Variants in PLEC observed in about 807,000 individuals in gnomAD.
The protein encoded by PLEC is hemidesmosomal protein 1.
Under a neutral mutation model 392.8 loss-of-function variants are expected in PLEC, and 216 were observed. The observed-to-expected ratio is 0.55, with a 90% CI of 0.49 to 0.62. The LOEUF is 0.62. Among genes scored for constraint, PLEC ranks in the 20% least tolerant of loss-of-function variants. The pLI is 0.00. For synonymous variants in PLEC, 3,621 were observed against 2,980.6 expected, an observed-to-expected ratio of 1.21 and a Z score of -7.00; for missense variants, 6,863 against 6,563.4, an observed-to-expected ratio of 1.05 and a Z score of -1.58.
upstream of PLEC, among the ~76,000 whole-genome samples, chr8:143,976,530 A>G (rs1254491106): frequency 6.6e-6 from 1 of 151,836 alleles, no homozygotes; most frequent in Non-Finnish European, 1.5e-5. Context: ...CCGCCCGTCC[A>G]GTTCCGCAGT....
At chr8:143,957,106 A>T (rs904821748), upstream of PLEC, among the ~76,000 whole-genome samples, 27 of 152,138 alleles carry the variant, frequency 1.8e-4, no homozygotes, top group Non-Finnish European at 3.4e-4. Flanking sequence ...CGGGGATTTC[A>T]ACAGGACAGG....
At chr8:143,936,951 G>A (rs782794890) in intron 5 of PLEC, 28 bp downstream of exon 5, 3 of 1,545,698 alleles carry the variant, frequency 1.9e-6, no homozygotes, top group Non-Finnish European at 2.7e-6. Flanking sequence ...CCTGCAGGGG[G>A]TGGGGGTCCT....
chr8:143,947,311 T>A (rs1216820711), intron 1 of PLEC, among the ~76,000 whole-genome samples: 1 of 152,202 alleles, frequency 6.6e-6, no homozygotes, highest in Non-Finnish European at 1.5e-5. Flanking sequence ...GAAGCAGCTC[T>A]AGGTGCTGTG....
At chr8:143,967,223 CAT>C (rs1554742536) in intron 1 of PLEC, among the ~76,000 whole-genome samples, 2 of 151,822 alleles carry the variant, frequency 1.3e-5, no homozygotes, top group Non-Finnish European at 2.9e-5. Flanking sequence ...ATTAGCTGGG[CAT>C]GGTGGCGGGC....
rs1554726617 is a variant in PLEC at position 143,939,374 on chromosome 8, G to A, written c.88C>T (p.Leu30Phe). Residue 30 changes from leucine to phenylalanine, a missense_variant, in exon 1 of 32, where the codon CTC (leucine) becomes TTC (phenylalanine). Leu to Phe is a conservative substitution (Grantham distance 22). Transcript: ENST00000345136. ...SSEDNLYLAV[L>F]RASEGKKDER... ...CCTTTCTTGCCCTCAGAGGCCCTGA[G>A]CACAGCCAGGTACAGGTTGTCCTCC... 18 of 1,612,630 alleles carry A rather than the reference G, an allele frequency of 1.1e-5. No homozygotes were observed. The highest frequency in any genetic ancestry group is 1.4e-5 in the Non-Finnish European group (17 of 1,179,758).
At position 143,929,132 on chromosome 8, in the gene PLEC, G is replaced by A. The variant is rs1554710211; in HGVS notation, c.3231C>T (p.Val1077=). ...CCAGGTAGATGGCAGACAGGCTGCG[G>A]ACCTGCTCCAGCTTGCCCAGCGTCA... ...LELTLGKLEQ[V]RSLSAIYLEK... Residue 1077 remains valine, a synonymous_variant, in exon 25 of 32, where the codon GTC becomes GTT. Coordinates refer to ENST00000345136, the MANE Select transcript of PLEC (RefSeq NM_201384.3). 46 of 1,585,988 alleles carry A rather than the reference G, an allele frequency of 2.9e-5. No individual in the cohort carries two copies. The highest frequency in any genetic ancestry group is 3.9e-5 in the Non-Finnish European group (46 of 1,167,402).
At chr8:143,956,294 A>G (rs1302131205), upstream of PLEC, among the ~76,000 whole-genome samples, 1 of 152,168 alleles carries the variant, frequency 6.6e-6, no homozygotes, top group African/African-American at 2.4e-5. Context: ...GGAATGTTAT[A>G]AGATTGGCCA....
At chr8:143,936,682 C>A (rs2132162377) in intron 5 of PLEC, among the ~76,000 whole-genome samples, 1 of 152,334 alleles carries the variant, frequency 6.6e-6, no homozygotes, top group Non-Finnish European at 1.5e-5. Context: ...TGCGCAGAAG[C>A]CTCCCCAGGG....
upstream of PLEC, among the ~76,000 whole-genome samples, chr8:143,953,350 G>A (rs1307280840): frequency 2.1e-5 from 3 of 139,830 alleles, no homozygotes; most frequent in African/African-American, 8.0e-5. Flanking sequence ...GCCCTGCCCT[G>A]CCCCTTGGAC....
Position 143,916,199 on chromosome 8 carries a change from C to A in PLEC, c.13622G>T (p.Gly4541Val), listed in dbSNP as rs1554668205. The change falls in exon 32 of 32, where the codon GGC becomes GTC. Residue 4541 changes from glycine to valine, a missense_variant. By Grantham distance (109) the Gly-to-Val change is moderately radical. Transcript: ENST00000345136. ...YASGSSASLG[G>V]PESAVA ...GCCTCAGGCCACGGCAGACTCAGGG[C>A]CCCCCAGGGAGGCCGAGGACCCCGA... is the stretch of plus-strand genomic sequence containing the variant. 3 of 1,542,048 alleles carry A rather than the reference C, an allele frequency of 1.9e-6. No individual in the cohort carries two copies. The highest frequency in any genetic ancestry group is 3.9e-5 in the Admixed American group (2 of 50,728).
At position 143,923,233 on chromosome 8, in the gene PLEC, C is replaced by T. The variant is rs781913920; in HGVS notation, c.6696G>A (p.Ser2232=). The T allele has an allele frequency of 2.0e-5, 32 of 1,603,914 alleles. No homozygotes were observed. Among genetic ancestry groups the T allele is most frequent in the East Asian group, 4.5e-5 (2 of 44,876 alleles). The change falls in exon 31 of 32, where the codon TCG becomes TCA. Residue 2232 remains serine, a synonymous_variant. Transcript: ENST00000345136. Reference sequence around the variant, plus strand: ...TCAGCTCCTCCATCTGCACGCGCACCGAGAAGAGCTCCTCCTCCACCTGGC... The same window carrying T: ...TCAGCTCCTCCATCTGCACGCGCACTGAGAAGAGCTCCTCCTCCACCTGGC... ...QRSQVEEELF[S]VRVQMEELSK...
chr8:143,921,210 A>G lies in PLEC; in HGVS notation c.8611T>C (p.Cys2871Arg). ...NLTYLQLLER[C>R]VEDPETGLCL... ...AGGCCCGTCTCGGGGTCCTCCACGC[A>G]GCGCTCCAGTAGCTGCAGGTACGTG... The change falls in exon 32 of 32, where the codon TGC (cysteine) becomes CGC (arginine). Residue 2871 changes from cysteine to arginine, a missense_variant. Coordinates refer to ENST00000345136, the MANE Select transcript of PLEC (RefSeq NM_201384.3). 2 of 1,613,968 alleles carry G rather than the reference A, an allele frequency of 1.2e-6. No homozygotes were observed. The highest frequency in any genetic ancestry group is 1.7e-6 in the Non-Finnish European group (2 of 1,180,032).
intron 30 of PLEC, among the ~76,000 whole-genome samples, 170 bp downstream of exon 30, chr8:143,926,614 T>G (rs1825277858): frequency 1.3e-5 from 2 of 150,244 alleles, no homozygotes; most frequent in Admixed American, 6.6e-5. Context: ...AGGCCACAGG[T>G]GGGGCAGCCT....
intron 25 of PLEC, among the ~76,000 whole-genome samples, chr8:143,928,610 C>A (rs1339883031): frequency 8.5e-6 from 1 of 116,962 alleles, no homozygotes; most frequent in Non-Finnish European, 1.6e-5. Context: ...CTGTGGTTTG[C>A]AACACAGGAA....
intron 1 of PLEC, among the ~76,000 whole-genome samples, chr8:143,966,960 CA>C (rs1472204818): frequency 6.6e-6 from 1 of 152,194 alleles, no homozygotes; most frequent in Admixed American, 6.5e-5. Context: ...GTGCTGGAAG[CA>C]ACTCTCAGCA....
At chr8:143,953,973 T>TC (rs1290103791), upstream of PLEC, 148 of 1,267,892 alleles carry the variant, frequency 1.2e-4, 1 homozygote, top group African/African-American at 1.6e-3. Context: ...CGCGCACCCC[T>TC]CCCCCCCAGC....
In PLEC at chr8:143,919,392, G is replaced by A. The variant is rs1554678126; in HGVS notation, c.10429C>T (p.Pro3477Ser). 3.1e-6 allele frequency: 5 copies of A among 1,613,496 alleles called. No homozygotes were observed. Among genetic ancestry groups the A allele is most frequent in the Non-Finnish European group, 4.2e-6 (5 of 1,179,998 alleles). ...AQIATGGIIDPVHSHRVPVDV... is the reference protein window; with the variant it reads ...AQIATGGIIDSVHSHRVPVDV... ...ACAGGCACGCGGTGGCTGTGCACGG[G>A]GTCGATGATGCCGCCCGTGGCGATC... Residue 3477 changes from proline (P) to serine (S), a missense_variant, in exon 32 of 32, where the codon CCC becomes TCC. Coordinates refer to ENST00000345136, the MANE Select transcript of PLEC (RefSeq NM_201384.3).
chr8:143,925,612 C>T lies in PLEC; in HGVS notation c.4317G>A (p.Gln1439=), dbSNP rs781900044. 23 of 1,582,380 alleles carry T rather than the reference C, an allele frequency of 1.5e-5. No individual in the cohort carries two copies. In the African/African-American group the frequency reaches 2.0e-4, roughly 14 times the overall value. ...GCCGGCTGCGCTCAGCCGCCTCTGC[C>T]TGCCGGGCCTTGGCCTGGATCTCCG... ...SEAEIQAKAR[Q]AEAAERSRLR... The change falls in exon 31 of 32, where the codon CAG becomes CAA. Residue 1439 remains glutamine, a synonymous_variant. Transcript: ENST00000345136.
chr8:143,961,747 C>G (rs1374608265), intron 1 of PLEC, among the ~76,000 whole-genome samples: 1 of 152,204 alleles, frequency 6.6e-6, no homozygotes, highest in Admixed American at 6.5e-5. Context: ...AAAGAAGTTA[C>G]TTATGTCTAA....
Sources: allele counts gnomAD v4.1 joint callset (sites outside exome capture counted in the v4.1 genomes callset), GRCh38; gene constraint gnomAD v4.1.1; transcripts MANE v1.5; gene names NCBI Gene and HGNC (gene_info 2026-07-23, HGNC 2026-07-21).